Variants in ZBTB40 observed in about 807,000 individuals in gnomAD.
ZBTB40 encodes the protein zinc finger and BTB domain-containing protein 40.
ZBTB40 carries 60 observed loss-of-function variants against 117.5 expected under a neutral mutation model. The observed-to-expected ratio is 0.51, with a 90% CI of 0.41 to 0.63. ZBTB40 has a LOEUF of 0.63. Among genes scored for constraint, ZBTB40 ranks in the 30% least tolerant of loss-of-function variants. ZBTB40 has a pLI of 0.00. For missense variants in ZBTB40, 1,287 were observed against 1,498.5 expected, an observed-to-expected ratio of 0.86 and a Z score of 2.33; for synonymous variants, 525 against 577.1, an observed-to-expected ratio of 0.91 and a Z score of 1.29.
intron 11 of ZBTB40, among the ~76,000 whole-genome samples, chr1:22,512,375 T>C (rs578065898): frequency 1.2e-4 from 18 of 152,338 alleles, no homozygotes; most frequent in Middle Eastern, 3.4e-3. Flanking sequence ...TGCATTGTTA[T>C]GAAGACTTAA....
chr1:22,431,826 G>A (rs1450193824), intron 1 of ZBTB40, among the ~76,000 whole-genome samples: 1 of 151,788 alleles, frequency 6.6e-6, no homozygotes, highest in Non-Finnish European at 1.5e-5. Flanking sequence ...TGTATTTGAT[G>A]GTATTTTTTT....
At position 22,502,349 on chromosome 1, in the gene ZBTB40, G is replaced by A; in HGVS notation, c.1075G>A (p.Glu359Lys). The change falls in exon 5 of 18, where the codon GAG (glutamate) becomes AAG (lysine). Residue 359 changes from glutamate to lysine, a missense_variant. Around this residue, in one of 2 missense-constraint regions of ZBTB40, gnomAD observed 870 missense variants for 934.4 expected, o/e 0.93. Transcript: ENST00000375647. ...GTCTGTTCTGTTACTAGAACACAAA[G>A]AGGACCTGATACAGTGTGTAACACA... ...TLSVLLLEHK[E>K]DLIQCVTQLR... 6.2e-7 allele frequency: 1 copy of A among 1,614,032 alleles called. No homozygotes were observed. Among genetic ancestry groups the A allele is most frequent in the African/African-American group, 1.3e-5 (1 of 74,998 alleles).
At chr1:22,446,662 T>G (rs1159331305) in intron 1 of ZBTB40, among the ~76,000 whole-genome samples, 1 of 151,960 alleles carries the variant, frequency 6.6e-6, no homozygotes, top group Non-Finnish European at 1.5e-5. Flanking sequence ...TCCACCGAAC[T>G]AGAATTCTGT....
At chr1:22,445,865 A>C (rs1326739357) in intron 1 of ZBTB40, among the ~76,000 whole-genome samples, 5 of 151,998 alleles carry the variant, frequency 3.3e-5, no homozygotes, top group Non-Finnish European at 7.4e-5. Context: ...AAAAAAAAAA[A>C]AAAAACAAAA....
intron 3 of ZBTB40, among the ~76,000 whole-genome samples, chr1:22,493,695 G>C (rs962220101): frequency 6.6e-6 from 1 of 151,784 alleles, no homozygotes; most frequent in Non-Finnish European, 1.5e-5. Context: ...GTCACTGTAC[G>C]TAAGTTTGTA....
intron 11 of ZBTB40, among the ~76,000 whole-genome samples, 157 bp from the exon 12 acceptor site, chr1:22,512,767 G>T (rs1639276220): frequency 6.6e-6 from 1 of 152,184 alleles, no homozygotes; most frequent in Non-Finnish European, 1.5e-5. Flanking sequence ...CAGCGTGGCT[G>T]TGTGCAGTGG....
In ZBTB40 at chr1:22,490,356, A is replaced by T. The variant is rs1190364368; in HGVS notation, c.408A>T (p.Thr136=). 5 of 1,614,186 alleles carry T rather than the reference A, an allele frequency of 3.1e-6. No individual in the cohort carries two copies. The highest frequency in any genetic ancestry group is 3.4e-6 in the Non-Finnish European group (4 of 1,180,012). ...VRDVSAPSSE[T]FRKEPEKPQV... ...ATGTCTCTGCGCCATCCTCAGAGAC[A>T]TTCAGAAAGGAACCAGAGAAGCCTC... The change falls in exon 2 of 18, where the codon ACA becomes ACT. Residue 136 remains threonine (T), a synonymous_variant. Transcript: ENST00000375647.
intron 17 of ZBTB40, 92 bp downstream of exon 17, chr1:22,524,536 T>A (rs962322316): frequency 7.5e-7 from 1 of 1,340,548 alleles, no homozygotes; most frequent in Non-Finnish European, 1.0e-6. Flanking sequence ...CCAGAGATAC[T>A]CTTTGGGGAT....
rs574248644 is a variant in ZBTB40, at chr1:22,471,723, G to A, written c.-69-18157G>A. Among the ~76,000 whole-genome samples, 31 of 152,338 alleles carry A rather than the reference G, an allele frequency of 2.0e-4. No individual in the cohort carries two copies. The East Asian group carries it at 4.8e-3, about 24-fold the overall frequency. ...TAATCACCTCCTATTCACCCCATCC[G>A]AAGAGAGAGGGATTTCCACTGTAGG... On this transcript the variant is annotated intron_variant, in intron 1 of 17. Coordinates refer to ENST00000375647, the MANE Select transcript of ZBTB40 (RefSeq NM_014870.4).
intron 9 of ZBTB40, among the ~76,000 whole-genome samples, chr1:22,510,306 A>G (rs1639197933): frequency 6.6e-6 from 1 of 152,232 alleles, no homozygotes. Flanking sequence ...TCTGACTCAG[A>G]TGGGAAGAAG....
chr1:22,498,905 G>C (rs550585360), intron 3 of ZBTB40, among the ~76,000 whole-genome samples: 1 of 152,348 alleles, frequency 6.6e-6, no homozygotes, highest in African/African-American at 2.4e-5. Context: ...CATGTTTACT[G>C]AGGGTATTAG....
intron 8 of ZBTB40, 51 bp from the exon 9 acceptor site, chr1:22,509,049 A>G (rs1011964930): frequency 6.2e-7 from 1 of 1,614,030 alleles, no homozygotes; most frequent in Non-Finnish European, 8.5e-7. Context: ...GTGTAGGAAA[A>G]AATGGTGCTC....
At chr1:22,439,711 A>T (rs1640710230) in intron 1 of ZBTB40, among the ~76,000 whole-genome samples, 1 of 152,210 alleles carries the variant, frequency 6.6e-6, no homozygotes, top group African/African-American at 2.4e-5. Flanking sequence ...TCTTTATGCC[A>T]GTACCACACT....
At chr1:22,470,810 C>A (rs1641386207) in intron 1 of ZBTB40, among the ~76,000 whole-genome samples, 1 of 152,200 alleles carries the variant, frequency 6.6e-6, no homozygotes, top group Non-Finnish European at 1.5e-5. Context: ...TCAGACTCCA[C>A]CTGCCGGGTT....
chr1:22,480,245 C>A (rs2124416874), intron 1 of ZBTB40, among the ~76,000 whole-genome samples: 1 of 151,836 alleles, frequency 6.6e-6, no homozygotes, highest in East Asian at 1.9e-4. Context: ...TTCCTTATTG[C>A]CTTTAAACTT....
intron 1 of ZBTB40, among the ~76,000 whole-genome samples, chr1:22,464,034 G>A (rs1474654651): frequency 6.6e-6 from 1 of 152,228 alleles, no homozygotes; most frequent in Non-Finnish European, 1.5e-5. Context: ...TGGTGGGGCA[G>A]TGATCATGAT....
chr1:22,443,063 A>AG (rs1490389014), intron 1 of ZBTB40, among the ~76,000 whole-genome samples: 1 of 152,200 alleles, frequency 6.6e-6, no homozygotes, highest in Non-Finnish European at 1.5e-5. Context: ...TGCTTCCAAC[A>AG]GGGGAAGAAG....
chr1:22,497,976 T>C lies in ZBTB40; in HGVS notation c.832-3516T>C, dbSNP rs577325534. On this transcript the variant is annotated intron_variant, in intron 3 of 17. Transcript: ENST00000375647. The stretch of plus-strand genomic sequence containing the variant: ...AGGGAGGCCTGAGTGAACAAGAATA[T>C]AGTGTAACTCAAACAGATCTGAAGG... 9.3e-4 allele frequency among the ~76,000 whole-genome samples: 141 copies of C among 152,206 alleles called. 1 individual carries two copies. The highest frequency in any genetic ancestry group is 3.3e-3 in the African/African-American group (136 of 41,534).
chr1:22,439,320 T>G (rs564252594), intron 1 of ZBTB40, among the ~76,000 whole-genome samples: 5 of 152,366 alleles, frequency 3.3e-5, no homozygotes, highest in Non-Finnish European at 5.9e-5. Flanking sequence ...TTTATTTTTT[T>G]CATGCACAAA....
Sources: gnomAD v4.1 joint callset for allele counts (sites outside exome capture counted in the v4.1 genomes callset) on GRCh38, gnomAD v4.1.1 for gene constraint, gnomAD v4.1.1 regional missense constraint, MANE v1.5 for transcripts, NCBI Gene and HGNC (gene_info 2026-07-23, HGNC 2026-07-21) for gene names.